Variants in FRMD4B observed in about 807,000 individuals in gnomAD.
The protein encoded by FRMD4B is FERM domain containing 4B.
FRMD4B carries 74 observed loss-of-function variants against 141.5 expected under a neutral mutation model. The ratio of observed to expected loss-of-function variants is 0.52; its 90% CI spans 0.43 to 0.63. The LOEUF (loss-of-function observed/expected upper bound fraction) is 0.63, where lower values mean the gene tolerates loss of function less well. Ranked by LOEUF, FRMD4B falls within the 30% of genes least tolerant of loss-of-function variation. The pLI, the probability that FRMD4B is intolerant of heterozygous loss-of-function variation, is 0.00. For synonymous variants in FRMD4B, 506 were observed against 467.9 expected (o/e 1.08, Z -1.05); for missense variants, 1,366 against 1,253.4 (o/e 1.09, Z -1.36).
intron 1 of FRMD4B, among the ~76,000 whole-genome samples, chr3:69,533,452 T>C (rs1222865660): frequency 1.3e-5 from 2 of 152,186 alleles, no homozygotes; most frequent in Non-Finnish European, 2.9e-5. Flanking sequence ...TTGTGGGTCA[T>C]TGTGGTGATG....
chr3:69,456,634 G>T (rs759846680), intron 1 of FRMD4B, among the ~76,000 whole-genome samples: 1 of 150,696 alleles, frequency 6.6e-6, no homozygotes, highest in African/African-American at 2.4e-5. Flanking sequence ...TGTCTTGTTC[G>T]CCATTGTATA....
intron 1 of FRMD4B, among the ~76,000 whole-genome samples, chr3:69,377,700 G>T (rs756600945): frequency 6.6e-6 from 1 of 152,112 alleles, no homozygotes; most frequent in African/African-American, 2.4e-5. Flanking sequence ...TACCCCTCTC[G>T]TAACAACCTG....
At chr3:69,196,472 A>G (rs73095903) in intron 13 of FRMD4B, 76 bp from the exon 14 acceptor site, 132,516 of 1,135,938 alleles carry the variant, frequency 0.12, 8,558 homozygotes, top group Admixed American at 0.18. Context: ...GTTAACATAC[A>G]ATAAAAATAG....
Position 69,171,897 on chromosome 3 carries a change from A to G in FRMD4B, c.3069T>C (p.Phe1023=), listed in dbSNP as rs777932741. 2.5e-6 allele frequency: 4 copies of G among 1,613,398 alleles called. No homozygotes were observed. Among genetic ancestry groups the G allele is most frequent in the Non-Finnish European group, 8.5e-7 (1 of 1,179,492 alleles). ...TTCCAGGCTTTGAATCTTCATGCCAAAAGAGTCTCTGCTCACTACTCTCCA... is the reference window on the plus strand; with the variant it reads ...TTCCAGGCTTTGAATCTTCATGCCAGAAGAGTCTCTGCTCACTACTCTCCA... ...DNLESSEQRL[F]WHEDSKPGTL... is the part of the protein sequence containing the mutation. The change falls in exon 23 of 23, where the codon TTT becomes TTC. Residue 1023 remains phenylalanine, a synonymous_variant. Coordinates refer to ENST00000398540, the MANE Select transcript of FRMD4B (RefSeq NM_015123.3).
chr3:69,474,733 T>C (rs1258676583), intron 1 of FRMD4B, among the ~76,000 whole-genome samples: 1 of 152,216 alleles, frequency 6.6e-6, no homozygotes, highest in Non-Finnish European at 1.5e-5. Context: ...TCAGTCACCA[T>C]TTAGGTATAC....
intron 1 of FRMD4B, among the ~76,000 whole-genome samples, chr3:69,454,503 G>A (rs981296660): frequency 1.3e-5 from 2 of 152,210 alleles, no homozygotes; most frequent in South Asian, 2.1e-4. Flanking sequence ...TTCCAGGTGG[G>A]GTGGGCTCGG....
intron 1 of FRMD4B, among the ~76,000 whole-genome samples, chr3:69,349,424 A>T (rs1414531824): frequency 2.6e-5 from 4 of 152,230 alleles, no homozygotes; most frequent in African/African-American, 9.6e-5. Flanking sequence ...ATTCAAAGCC[A>T]TTCCCATCAA....
At chr3:69,361,085 A>T (rs1254620105) in intron 1 of FRMD4B, among the ~76,000 whole-genome samples, 1 of 152,206 alleles carries the variant, frequency 6.6e-6, no homozygotes, top group African/African-American at 2.4e-5. Context: ...AAGGGTGGTC[A>T]AAGTGCATTT....
Position 69,195,155 on chromosome 3 carries a change from C to T in FRMD4B, c.1369-14G>A. Reference sequence around the variant, plus strand: ...GCCTGTGAGCTCCTGTAAAACAGGACAGAATCAAGAGCAGATAATTGACAC... The same window carrying T: ...GCCTGTGAGCTCCTGTAAAACAGGATAGAATCAAGAGCAGATAATTGACAC... On this transcript the variant is annotated splice_polypyrimidine_tract_variant and intron_variant, in intron 15 of 22. Coordinates refer to ENST00000398540, the MANE Select transcript of FRMD4B (RefSeq NM_015123.3). 6.2e-7 allele frequency: 1 copy of T among 1,613,828 alleles called. No individual in the cohort carries two copies. Among genetic ancestry groups the T allele is most frequent in the Non-Finnish European group, 8.5e-7 (1 of 1,179,818 alleles).
At chr3:69,508,613 A>G (rs539411041) in intron 1 of FRMD4B, among the ~76,000 whole-genome samples, 1 of 152,350 alleles carries the variant, frequency 6.6e-6, no homozygotes, top group South Asian at 2.1e-4. Context: ...CCACCTGCCC[A>G]GATAAAGCTT....
At chr3:69,520,688 A>C (rs1700841638) in intron 1 of FRMD4B, among the ~76,000 whole-genome samples, 1 of 152,036 alleles carries the variant, frequency 6.6e-6, no homozygotes, top group South Asian at 2.1e-4. Flanking sequence ...GAAAATTCTA[A>C]GGTGCATTTT....
chr3:69,304,178 A>AC (rs1701312386), intron 3 of FRMD4B, among the ~76,000 whole-genome samples: 1 of 141,932 alleles, frequency 7.0e-6, no homozygotes, highest in Non-Finnish European at 1.5e-5. Flanking sequence ...CTTGTCTCAA[A>AC]AAAAAAAAAA....
chr3:69,180,246 C>CAAAAAA (rs71115658), intron 21 of FRMD4B, among the ~76,000 whole-genome samples: 5 of 101,032 alleles, frequency 4.9e-5, no homozygotes, highest in East Asian at 6.0e-4. Context: ...CTTGTTTCTA[C>CAAAAAA]AAAAAAAAAA....
intron 1 of FRMD4B, among the ~76,000 whole-genome samples, chr3:69,382,989 T>C (rs1575779880): frequency 6.6e-6 from 1 of 152,142 alleles, no homozygotes; most frequent in East Asian, 1.9e-4. Context: ...TTGAATTGGG[T>C]TTTCTATTAT....
intron 12 of FRMD4B, chr3:69,197,583 A>AGGAGGAG (rs1436459413): frequency 1.3e-4 from 17 of 128,566 alleles, no homozygotes; most frequent in African/African-American, 4.2e-4. Flanking sequence ...GGGAGGAGAG[A>AGGAGGAG]GGAGGAGGGA....
At chr3:69,196,854 T>C (rs2092911418) in intron 13 of FRMD4B, 46 bp downstream of exon 13, 7 of 1,470,324 alleles carry the variant, frequency 4.8e-6, no homozygotes, top group Non-Finnish European at 4.7e-6. Flanking sequence ...CTGAACAGAA[T>C]GCAAAAGGGG....
At chr3:69,480,479 C>A (rs145311805) in intron 1 of FRMD4B, among the ~76,000 whole-genome samples, 1 of 152,194 alleles carries the variant, frequency 6.6e-6, no homozygotes, top group Admixed American at 6.5e-5. Flanking sequence ...CCACTCCGGA[C>A]GCTGTTTGCC....
At chr3:69,305,479 C>T (rs1254876197) in intron 3 of FRMD4B, among the ~76,000 whole-genome samples, 1 of 152,154 alleles carries the variant, frequency 6.6e-6, no homozygotes, top group African/African-American at 2.4e-5. Context: ...TTTAGGATGC[C>T]ACTGATATAA....
At chr3:69,528,835 C>A (rs976500372) in intron 1 of FRMD4B, among the ~76,000 whole-genome samples, 2 of 151,850 alleles carry the variant, frequency 1.3e-5, no homozygotes. Context: ...TATTAAGTCA[C>A]CTATCACCAT....
Sources: gnomAD v4.1 joint callset for allele counts (sites outside exome capture counted in the v4.1 genomes callset) on GRCh38, gnomAD v4.1.1 for gene constraint, MANE v1.5 for transcripts, NCBI Gene and HGNC (gene_info 2026-07-23, HGNC 2026-07-21) for gene names.